SMCO2: variants seen among roughly 807,000 people sequenced by gnomAD.
The protein encoded by SMCO2 is single-pass membrane and coiled-coil domain-containing protein 2.
SMCO2 carries 25 observed loss-of-function variants against 29.5 expected under a neutral mutation model. The ratio of observed to expected loss-of-function variants is 0.85; its 90% CI spans 0.62 to 1.18. SMCO2 has a LOEUF of 1.18. SMCO2 is among the 50% of genes most tolerant of loss of function. SMCO2 has a pLI of 0.00. For missense variants in SMCO2, 348 were observed against 344.5 expected, an observed-to-expected ratio of 1.01 and a Z score of -0.08; for synonymous variants, 117 against 123.3, an observed-to-expected ratio of 0.95 and a Z score of 0.34.
chr12:27,456,485 T>C, the SMCO2 span, among the ~76,000 whole-genome samples: 1 of 152,308 alleles, frequency 6.6e-6, no homozygotes, highest in African/African-American at 2.4e-5. Flanking sequence ...GGTCTTGCTA[T>C]GTTGCCCAGG....
the SMCO2 span, among the ~76,000 whole-genome samples, chr12:27,439,773 A>G: frequency 6.6e-6 from 1 of 152,300 alleles, no homozygotes; most frequent in East Asian, 1.9e-4. Context: ...GAGCTTGAAG[A>G]CTGGCATTTG....
intron 5 of SMCO2, among the ~76,000 whole-genome samples, chr12:27,493,609 G>T (rs890486748): frequency 1.8e-4 from 28 of 152,006 alleles, no homozygotes; most frequent in Non-Finnish European, 5.9e-5. Flanking sequence ...TCTTTTTCCT[G>T]CTATATCTCT....
intron 7 of SMCO2, among the ~76,000 whole-genome samples, chr12:27,501,072 T>C (rs1361839598): frequency 6.6e-6 from 1 of 150,422 alleles, no homozygotes; most frequent in Non-Finnish European, 1.5e-5. Flanking sequence ...ATCATATCAA[T>C]AAAATATGTC....
chr12:27,473,388 T>C (rs535671055), intron 3 of SMCO2, among the ~76,000 whole-genome samples: 1 of 152,240 alleles, frequency 6.6e-6, no homozygotes, highest in South Asian at 2.1e-4. Flanking sequence ...TCTTTGTCTG[T>C]CTTCTCCTCC....
At chr12:27,465,121 C>G (rs1310974460), upstream of SMCO2, among the ~76,000 whole-genome samples, 4 of 151,276 alleles carry the variant, frequency 2.6e-5, no homozygotes, top group Non-Finnish European at 5.9e-5. Context: ...GAACCCAGTA[C>G]GCGAAGTGTG....
chr12:27,497,479 G>A (rs564208394), intron 7 of SMCO2: 9 of 196,054 alleles, frequency 4.6e-5, no homozygotes, highest in African/African-American at 2.2e-4. Context: ...GGTAGCTCAT[G>A]CCTATAATCC....
chr12:27,452,656 A>G, the SMCO2 span, among the ~76,000 whole-genome samples: 2 of 152,068 alleles, frequency 1.3e-5, no homozygotes, highest in Non-Finnish European at 2.9e-5. Context: ...CACTCAGCTA[A>G]TGTTTTATTT....
the SMCO2 span, among the ~76,000 whole-genome samples, chr12:27,457,013 A>C: frequency 6.6e-6 from 1 of 152,206 alleles, no homozygotes; most frequent in African/African-American, 2.4e-5. Flanking sequence ...TGATGATCTG[A>C]GTTGGAACAG....
chr12:27,448,204 C>G, the SMCO2 span, among the ~76,000 whole-genome samples: 5 of 152,188 alleles, frequency 3.3e-5, no homozygotes, highest in Non-Finnish European at 5.9e-5. Flanking sequence ...AGTCACCCTC[C>G]TCCCAGAAGT....
the SMCO2 span, among the ~76,000 whole-genome samples, chr12:27,448,489 A>G: frequency 6.6e-6 from 1 of 152,178 alleles, no homozygotes; most frequent in Admixed American, 6.5e-5. Context: ...AAACCAAATA[A>G]ACAAACCTGA....
At chr12:27,435,292 C>T in the SMCO2 span, among the ~76,000 whole-genome samples, 1 of 21,888 alleles carries the variant, frequency 4.6e-5, no homozygotes, top group Non-Finnish European at 3.9e-4. Flanking sequence ...ACCCCCCCCC[C>T]CCCCCCCCCC....
the SMCO2 span, among the ~76,000 whole-genome samples, chr12:27,458,684 G>C: frequency 4.6e-5 from 7 of 151,968 alleles, no homozygotes. Flanking sequence ...TCAGGAGTTC[G>C]AGACCAGCCT....
At chr12:27,473,831 G>C (rs985069909) in intron 3 of SMCO2, among the ~76,000 whole-genome samples, 15 of 152,120 alleles carry the variant, frequency 9.9e-5, no homozygotes, top group African/African-American at 3.6e-4. Flanking sequence ...TTCTTCAAAG[G>C]ACAGAAGAAA....
At chr12:27,456,552 G>C in the SMCO2 span, among the ~76,000 whole-genome samples, 3 of 152,112 alleles carry the variant, frequency 2.0e-5, no homozygotes, top group South Asian at 6.2e-4. Flanking sequence ...CTGAGTAGCT[G>C]GGACTACGGG....
chr12:27,458,350 A>G, the SMCO2 span, among the ~76,000 whole-genome samples: 1 of 152,186 alleles, frequency 6.6e-6, no homozygotes, highest in Non-Finnish European at 1.5e-5. Context: ...CATTTTATAT[A>G]TTTTCCTCTT....
chr12:27,475,515 C>T, intron 4 of SMCO2, 67 bp from the exon 5 acceptor site: 1 of 1,454,752 alleles, frequency 6.9e-7, no homozygotes, highest in Non-Finnish European at 9.1e-7. Context: ...AAAGGAAGAG[C>T]ATTTCAGGCT....
intron 3 of SMCO2, 129 bp from the exon 4 acceptor site, chr12:27,474,657 A>G (rs1002763228): frequency 2.9e-6 from 3 of 1,042,066 alleles, no homozygotes; most frequent in Admixed American, 2.6e-5. Context: ...CAGATGCATC[A>G]GAAAGCTCCA....
At chr12:27,454,943 G>C in the SMCO2 span, among the ~76,000 whole-genome samples, 1 of 152,150 alleles carries the variant, frequency 6.6e-6, no homozygotes, top group Non-Finnish European at 1.5e-5. Context: ...CCATGGCAGA[G>C]CACCATTTTT....
the SMCO2 span, among the ~76,000 whole-genome samples, chr12:27,427,334 G>C: frequency 6.8e-3 from 1,038 of 152,268 alleles, 13 homozygotes; most frequent in African/African-American, 0.024. Context: ...TTGGGAATTT[G>C]CATTTCCAGT....
Sources: gnomAD v4.1 joint callset for allele counts (sites outside exome capture counted in the v4.1 genomes callset) on GRCh38, gnomAD v4.1.1 for gene constraint, MANE v1.5 for transcripts, NCBI Gene and HGNC (gene_info 2026-07-23, HGNC 2026-07-21) for gene names.